Variants in AAK1 observed in about 807,000 individuals in gnomAD.
The protein encoded by AAK1 is AP2-associated protein kinase 1.
Under a neutral mutation model 116.0 loss-of-function variants are expected in AAK1, and 37 were observed. The ratio of observed to expected loss-of-function variants is 0.32; its 90% CI spans 0.25 to 0.42. The LOEUF (loss-of-function observed/expected upper bound fraction) is 0.42. AAK1 is among the 10% of genes least tolerant of loss of function. The pLI is 1.00. For synonymous variants in AAK1, 458 were observed against 439.9 expected (o/e 1.04, Z -0.51); for missense variants, 919 against 1,170.6 (o/e 0.79, Z 3.14).
chr2:69,643,049 T>G lies in AAK1; in HGVS notation c.-9A>C. The G allele has an allele frequency of 6.3e-7, 1 of 1,587,484 alleles. No individual in the cohort carries two copies. The highest frequency in any genetic ancestry group is 1.9e-4 in the Middle Eastern group (1 of 5,312). ...TCGAAAAACTTCTTCATCTTGCGAA[T>G]AGGGAGCAGCAAAGCAAAATACCGA... is the stretch of plus-strand genomic sequence containing the variant. On this transcript the variant is annotated 5_prime_UTR_variant, in exon 2 of 22. Transcript: ENST00000409085.
At chr2:69,495,882 G>T in intron 17 of AAK1, 103 bp downstream of exon 17, 3 of 911,590 alleles carry the variant, frequency 3.3e-6, no homozygotes, top group Non-Finnish European at 4.9e-6. Flanking sequence ...ATTAGGGCTT[G>T]GAATTCAGAT....
chr2:69,616,871 A>G (rs991722798), intron 2 of AAK1, among the ~76,000 whole-genome samples: 24 of 152,082 alleles, frequency 1.6e-4, no homozygotes, highest in Admixed American at 5.2e-4. Flanking sequence ...CTATCTGTGA[A>G]CTTCTAGCAC....
chr2:69,607,372 G>T (rs1673855416), intron 2 of AAK1, among the ~76,000 whole-genome samples: 2 of 152,270 alleles, frequency 1.3e-5, no homozygotes, highest in South Asian at 4.1e-4. Context: ...AGAGGTAAGA[G>T]GAGGGGTCAT....
intron 13 of AAK1, among the ~76,000 whole-genome samples, chr2:69,513,186 T>C (rs1280002725): frequency 6.6e-6 from 1 of 152,188 alleles, no homozygotes; most frequent in East Asian, 1.9e-4. Flanking sequence ...AACGAAGGTG[T>C]AAAGACACTA....
intron 16 of AAK1, chr2:69,499,806 T>G (rs953133766): frequency 3.3e-5 from 5 of 152,214 alleles, no homozygotes; most frequent in African/African-American, 9.6e-5. Context: ...AAAATTTATA[T>G]GCAGAAATAA....
In AAK1 at chr2:69,466,362, T is replaced by C. The variant is rs1485901816; in HGVS notation, c.*9507A>G. ...TCCTTCAAGGTCAGTCCCTTCCTCT[T>C]CGCTGCTGTGGAATGAGCTGTTGCT... On this transcript the variant is annotated 3_prime_UTR_variant, in exon 22 of 22. Coordinates refer to ENST00000409085, the MANE Select transcript of AAK1 (RefSeq NM_014911.5). 7.8e-7 allele frequency: 1 copy of C among 1,289,830 alleles called. No homozygotes were observed. Among genetic ancestry groups the C allele is most frequent in the South Asian group, 1.2e-5 (1 of 81,030 alleles). The allele number at this position is 1,289,830 out of a possible 1,614,324, so 79.9% of individuals were successfully genotyped here. A position where few individuals can be genotyped will look rare whatever the true frequency, so the allele number is the denominator to read the frequency against.
At chr2:69,586,083 G>T (rs1241743654) in intron 2 of AAK1, among the ~76,000 whole-genome samples, 1 of 152,160 alleles carries the variant, frequency 6.6e-6, no homozygotes, top group East Asian at 1.9e-4. Context: ...CAGTCTACAA[G>T]AACACTGTGA....
At position 69,542,570 on chromosome 2, in the gene AAK1, C is replaced by T; in HGVS notation, c.487G>A (p.Ala163Thr). Residue 163 changes from alanine to threonine, a missense_variant, in exon 5 of 22, where the codon GCC becomes ACC. This residue lies in a region of AAK1 where 317 missense variants were observed against 490.4 expected (regional missense o/e 0.65). Transcript: ENST00000409085. ...QIFCDTCEAV[A>T]RLHQCKTPII... ...GGAGTTTTGCACTGATGCAGGCGGG[C>T]AACAGCTTCACAGGTATCACAAAAT... 6.2e-7 allele frequency: 1 copy of T among 1,614,022 alleles called. No homozygotes were observed. Among genetic ancestry groups the T allele is most frequent in the Non-Finnish European group, 8.5e-7 (1 of 1,179,916 alleles).
In AAK1 at chr2:69,470,636, G is replaced by C; in HGVS notation, c.*5233C>G. The C allele has an allele frequency of 9.1e-6, 9 of 985,426 alleles. No individual in the cohort carries two copies. Among genetic ancestry groups the C allele is most frequent in the Non-Finnish European group, 1.1e-5 (9 of 829,938 alleles). The allele number at this position is 985,426 out of a possible 1,614,324, so 61.0% of individuals were successfully genotyped here. On this transcript the variant is annotated 3_prime_UTR_variant, in exon 22 of 22. Transcript: ENST00000409085. The stretch of plus-strand genomic sequence containing the variant: ...GGGTATATTAGGGATTAAGTTAGAG[G>C]AGGGAAGCTGCAAACCTGCGCTCCA...
chr2:69,523,982 C>T (rs1474872230), intron 10 of AAK1, among the ~76,000 whole-genome samples: 1 of 152,240 alleles, frequency 6.6e-6, no homozygotes, highest in Non-Finnish European at 1.5e-5. Context: ...TGGCTCCCTC[C>T]CTGTTTTCCC....
At chr2:69,588,951 C>T (rs1171183624) in intron 2 of AAK1, among the ~76,000 whole-genome samples, 3 of 152,270 alleles carry the variant, frequency 2.0e-5, no homozygotes, top group African/African-American at 7.2e-5. Context: ...ACTTCCGTTG[C>T]TTTTTAGATG....
chr2:69,627,517 C>A (rs1041906085), intron 2 of AAK1, among the ~76,000 whole-genome samples: 6 of 152,100 alleles, frequency 3.9e-5, no homozygotes, highest in Non-Finnish European at 5.9e-5. Context: ...GAAGGAAGAA[C>A]ATTCCAGGAA....
intron 10 of AAK1, among the ~76,000 whole-genome samples, chr2:69,521,291 T>C (rs1254657884): frequency 6.6e-6 from 1 of 152,244 alleles, no homozygotes; most frequent in Non-Finnish European, 1.5e-5. Flanking sequence ...GTATTCTCTT[T>C]GCATTCTCAA....
chr2:69,489,621 G>A (rs1005911404), intron 17 of AAK1, among the ~76,000 whole-genome samples: 3 of 152,212 alleles, frequency 2.0e-5, no homozygotes, highest in South Asian at 2.1e-4. Context: ...AAGAGGACAC[G>A]GCCACTCCAG....
intron 10 of AAK1, among the ~76,000 whole-genome samples, chr2:69,522,381 G>C (rs764474946): frequency 2.0e-5 from 3 of 152,346 alleles, no homozygotes; most frequent in Non-Finnish European, 4.4e-5. Flanking sequence ...CAACCTGTTA[G>C]AGGGATGCTC....
chr2:69,609,379 A>C (rs1673958721), intron 2 of AAK1, among the ~76,000 whole-genome samples: 1 of 149,990 alleles, frequency 6.7e-6, no homozygotes, highest in South Asian at 2.1e-4. Flanking sequence ...AAAAGAGAAT[A>C]CCAATAAAAT....
At chr2:69,487,669 C>A (rs1675349869) in intron 17 of AAK1, among the ~76,000 whole-genome samples, 1 of 151,838 alleles carries the variant, frequency 6.6e-6, no homozygotes, top group African/African-American at 2.4e-5. Context: ...CCAAATTATT[C>A]ATAAATTGTA....
At chr2:69,550,139 C>G (rs1243436268) in intron 3 of AAK1, among the ~76,000 whole-genome samples, 3 of 152,244 alleles carry the variant, frequency 2.0e-5, no homozygotes. Flanking sequence ...ATCAAAACAC[C>G]TGGCCAAAGT....
chr2:69,561,844 T>C (rs894550048), intron 2 of AAK1, among the ~76,000 whole-genome samples: 8 of 152,218 alleles, frequency 5.3e-5, no homozygotes, highest in African/African-American at 1.9e-4. Context: ...TCCTACAGTA[T>C]ACACTGCTTT....
Sources: gnomAD v4.1 joint callset for allele counts (sites outside exome capture counted in the v4.1 genomes callset) on GRCh38, gnomAD v4.1.1 for gene constraint, gnomAD v4.1.1 regional missense constraint, MANE v1.5 for transcripts, NCBI Gene and HGNC (gene_info 2026-07-23, HGNC 2026-07-21) for gene names.